Variants in BANF2 observed in about 807,000 individuals in gnomAD.
BANF2 encodes the protein BANF family member 2.
BANF2 carries 4 observed loss-of-function variants against 8.0 expected under a neutral mutation model. The ratio of observed to expected loss-of-function variants is 0.50; its 90% CI spans 0.25 to 1.14. The LOEUF (loss-of-function observed/expected upper bound fraction) is 1.14. Ranked by LOEUF, BANF2 falls within the 50% of genes most tolerant of loss-of-function variation. The pLI is 0.16. For missense variants in BANF2, 96 were observed against 107.5 expected (o/e 0.89, Z 0.47); for synonymous variants, 50 against 40.6 (o/e 1.23, Z -0.88).
chr20:17,700,889 C>G (rs2037398593), intron 1 of BANF2, among the ~76,000 whole-genome samples: 1 of 152,164 alleles, frequency 6.6e-6, no homozygotes, highest in East Asian at 1.9e-4. Context: ...TGTCTACGGT[C>G]CATTCACCAT....
At chr20:17,722,482 C>G (rs1384604294) in intron 1 of BANF2, among the ~76,000 whole-genome samples, 2 of 152,228 alleles carry the variant, frequency 1.3e-5, no homozygotes, top group Non-Finnish European at 2.9e-5. Context: ...AATCCCAATT[C>G]TCAATCCCAA....
chr20:17,702,399 T>C (rs1429022452), intron 1 of BANF2, among the ~76,000 whole-genome samples: 1 of 152,242 alleles, frequency 6.6e-6, no homozygotes, highest in African/African-American at 2.4e-5. Flanking sequence ...GAAGAAAATC[T>C]GCTAATCGAA....
At chr20:17,700,097 C>T in intron 1 of BANF2, 42 bp downstream of exon 1, 3 of 784,596 alleles carry the variant, frequency 3.8e-6, no homozygotes, top group Non-Finnish European at 4.6e-6. Flanking sequence ...GAAGGAGATA[C>T]AGCCAACAGC....
intron 1 of BANF2, among the ~76,000 whole-genome samples, chr20:17,714,081 C>T (rs1287830165): frequency 6.6e-6 from 1 of 150,746 alleles, no homozygotes; most frequent in Admixed American, 6.6e-5. Flanking sequence ...TGACAGGTGC[C>T]TATAATCCTA....
intron 1 of BANF2, among the ~76,000 whole-genome samples, chr20:17,704,228 C>T (rs2122572912): frequency 6.6e-6 from 1 of 152,362 alleles, no homozygotes; most frequent in Non-Finnish European, 1.5e-5. Flanking sequence ...ACACGCTACA[C>T]AGTCACTTCA....
intron 2 of BANF2, among the ~76,000 whole-genome samples, chr20:17,723,767 G>T (rs2037764259): frequency 6.6e-6 from 1 of 152,176 alleles, no homozygotes; most frequent in Admixed American, 6.5e-5. Flanking sequence ...GACCGAGGTG[G>T]GTGGATCACC....
chr20:17,699,076 C>T (rs767636178), upstream of BANF2, among the ~76,000 whole-genome samples: 1 of 152,112 alleles, frequency 6.6e-6, no homozygotes, highest in Non-Finnish European at 1.5e-5. Context: ...AGAGTGGGGC[C>T]CAGGAATCTG....
In BANF2 at chr20:17,727,842, G is replaced by T. The variant is rs192408240; in HGVS notation, c.126+2691G>T. Among the ~76,000 whole-genome samples the T allele has an allele frequency of 8.9e-4, 135 of 152,188 alleles. 1 individual carries two copies. The highest frequency in any genetic ancestry group is 1.4e-3 in the Non-Finnish European group (94 of 67,998). ...TCACTGCAACCTCCTCATCCTGGGC[G>T]CAGCCTCCACCTCAGCCTCCCAAGT... On this transcript the variant is annotated intron_variant, in intron 3 of 3. Transcript: ENST00000246090.
intron 2 of BANF2, 144 bp from the exon 3 acceptor site, chr20:17,724,879 C>A: frequency 3.6e-6 from 3 of 823,956 alleles, no homozygotes; most frequent in East Asian, 2.7e-5. Flanking sequence ...ATTTAGTAGA[C>A]CCCGGGAAAT....
At chr20:17,702,202 G>A (rs2037419139) in intron 1 of BANF2, among the ~76,000 whole-genome samples, 1 of 152,292 alleles carries the variant, frequency 6.6e-6, no homozygotes, top group Admixed American at 6.5e-5. Context: ...TCCTTTCTTA[G>A]CCTTTCCCTA....
chr20:17,735,854 T>G lies in BANF2; in HGVS notation c.*43T>G. On this transcript the variant is annotated 3_prime_UTR_variant, in exon 4 of 4. Transcript: ENST00000246090. The stretch of plus-strand genomic sequence containing the variant: ...GCCCCCCACCACCCTCTGGGGAAAA[T>G]GACGCCTTCTCCACCTATGCCCAGG... The G allele has an allele frequency of 6.3e-7, 1 of 1,586,192 alleles. No homozygotes were observed. Among genetic ancestry groups the G allele is most frequent in the Non-Finnish European group, 8.6e-7 (1 of 1,160,270 alleles).
chr20:17,710,325 C>A (rs148617517), intron 1 of BANF2, among the ~76,000 whole-genome samples: 232 of 152,324 alleles, frequency 1.5e-3, no homozygotes, highest in African/African-American at 5.4e-3. Flanking sequence ...TTTGGAACCA[C>A]CCAGACCTCA....
intron 3 of BANF2, among the ~76,000 whole-genome samples, chr20:17,729,673 T>A (rs925597261): frequency 6.6e-6 from 1 of 152,056 alleles, no homozygotes; most frequent in Admixed American, 6.6e-5. Context: ...GATGCAGAGG[T>A]TGCAGTGACC....
chr20:17,695,468 A>T (rs2122555142), upstream of BANF2, among the ~76,000 whole-genome samples: 1 of 150,980 alleles, frequency 6.6e-6, no homozygotes, highest in African/African-American at 2.4e-5. Context: ...AAAAAAAAAA[A>T]AGTAGAGTCG....
chr20:17,702,921 T>C (rs550154587), intron 1 of BANF2, among the ~76,000 whole-genome samples: 1 of 152,306 alleles, frequency 6.6e-6, no homozygotes, highest in African/African-American at 2.4e-5. Flanking sequence ...GTTGTTTAAA[T>C]GGAAGCTTAG....
In BANF2 at chr20:17,718,440, G is replaced by A. The variant is rs954654678; in HGVS notation, c.-166-4276G>A. Among the ~76,000 whole-genome samples the A allele has an allele frequency of 3.9e-5, 6 of 152,280 alleles. No homozygotes were observed. In the East Asian group the frequency reaches 7.7e-4, roughly 20 times the overall value. ...TCCACCTGCCTCAGCCTCCCGAAGC[G>A]CTGGGATTACAGGCATGAGCTACCG... is the stretch of plus-strand genomic sequence containing the variant. On this transcript the variant is annotated intron_variant, in intron 1 of 3. Coordinates refer to ENST00000246090, the MANE Select transcript of BANF2 (RefSeq NM_178477.5).
intron 3 of BANF2, among the ~76,000 whole-genome samples, chr20:17,729,662 G>C (rs1300420872): frequency 1.3e-5 from 2 of 152,198 alleles, no homozygotes; most frequent in Non-Finnish European, 2.9e-5. Flanking sequence ...CTTGAACCCA[G>C]GATGCAGAGG....
At chr20:17,731,898 C>T (rs1195271668) in intron 3 of BANF2, among the ~76,000 whole-genome samples, 1 of 150,848 alleles carries the variant, frequency 6.6e-6, no homozygotes, top group Non-Finnish European at 1.5e-5. Flanking sequence ...AACCCTGTCT[C>T]TACTGAAAAT....
At chr20:17,713,109 G>A (rs531442255) in intron 1 of BANF2, among the ~76,000 whole-genome samples, 2 of 152,094 alleles carry the variant, frequency 1.3e-5, no homozygotes, top group South Asian at 4.2e-4. Context: ...AAAATTAGCT[G>A]AGCATGGTGG....
Sources: gnomAD v4.1 joint callset for allele counts (sites outside exome capture counted in the v4.1 genomes callset) on GRCh38, gnomAD v4.1.1 for gene constraint, MANE v1.5 for transcripts, NCBI Gene and HGNC (gene_info 2026-07-23, HGNC 2026-07-21) for gene names.